TM4SF18: variants seen among roughly 807,000 people sequenced by gnomAD.
TM4SF18 encodes the protein transmembrane 4 L six family member 18.
In TM4SF18, 22 loss-of-function variants were observed where a neutral mutation model predicts 23.8. That is an observed-to-expected ratio of 0.92 (90% CI 0.66 to 1.32). The LOEUF is 1.32. Among genes scored for constraint, TM4SF18 ranks in the 40% most tolerant of loss-of-function variants. The pLI, the probability that TM4SF18 is intolerant of heterozygous loss-of-function variation, is 0.00. For synonymous variants in TM4SF18, 87 were observed against 87.9 expected, an observed-to-expected ratio of 0.99 and a Z score of 0.06; for missense variants, 255 against 240.3, an observed-to-expected ratio of 1.06 and a Z score of -0.41.
chr3:149,328,973 A>C (rs940958557), intron 3 of TM4SF18, among the ~76,000 whole-genome samples: 2 of 152,184 alleles, frequency 1.3e-5, no homozygotes, highest in African/African-American at 4.8e-5. Context: ...ATAGTGAGTT[A>C]AGGCAAATTG....
In TM4SF18 at chr3:149,324,867, A is replaced by C. The variant is rs780876271; in HGVS notation, c.410+13T>G. The C allele has an allele frequency of 6.2e-7, 1 of 1,613,846 alleles. No homozygotes were observed. Among genetic ancestry groups the C allele is most frequent in the East Asian group, 2.2e-5 (1 of 44,876 alleles). On this transcript the variant is annotated intron_variant, in intron 4 of 5. Coordinates refer to ENST00000296059, the MANE Select transcript of TM4SF18 (RefSeq NM_138786.4). The stretch of plus-strand genomic sequence containing the variant: ...ATTTTCCGACCTCCTTGGTTTGGGG[A>C]ATTATTCCTTACCGTCCAGCAGTGC...
At position 149,322,268 on chromosome 3, in the gene TM4SF18, T is replaced by C. The variant is rs144776081; in HGVS notation, c.579A>G (p.Ser193=). The C allele has an allele frequency of 8.6e-5, 139 of 1,612,094 alleles. No homozygotes were observed. In the African/African-American group the frequency reaches 1.5e-3, roughly 18 times the overall value. Residue 193 remains serine, a synonymous_variant, in exon 5 of 6, where the codon TCA becomes TCG. Transcript: ENST00000296059. ...QLSKILCGSY[S]VIFQPGII ...GAGAATCTGTTACCTGGAAGATCAC[T>C]GAATAGCTTCCACACAGTATCTTGG...
At position 149,319,700 on chromosome 3, in the gene TM4SF18, A is replaced by G. The variant is rs1730762533; in HGVS notation, c.*1778T>C. 1 of 152,244 alleles carries G rather than the reference A, an allele frequency of 6.6e-6. No individual in the cohort carries two copies. The highest frequency in any genetic ancestry group is 2.1e-4 in the South Asian group (1 of 4,834). 9.4% of individuals were successfully genotyped at this position (152,244 alleles called of 1,614,324 possible). On this transcript the variant is annotated 3_prime_UTR_variant, in exon 6 of 6. Coordinates refer to ENST00000296059, the MANE Select transcript of TM4SF18 (RefSeq NM_138786.4). ...TTAGGAGCTTTTGGAGTAGAAGTTC[A>G]TGTATCTTCCTTTTAATATGATACC...
Position 149,322,400 on chromosome 3 carries a change from C to T in TM4SF18, c.447G>A (p.Leu149=). ...TCCACTCCACAACATGTGCAGGTTC[C>T]AGGCACTGAATCCATATGCTAGAAT... The part of the protein sequence containing the change: ...LTDSSIWIQC[L]EPAHVVEWNI... Residue 149 remains leucine, a synonymous_variant, in exon 5 of 6, where the codon CTG becomes CTA. Coordinates refer to ENST00000296059, the MANE Select transcript of TM4SF18 (RefSeq NM_138786.4). 6.2e-7 allele frequency: 1 copy of T among 1,614,004 alleles called. No homozygotes were observed. Among genetic ancestry groups the T allele is most frequent in the Non-Finnish European group, 8.5e-7 (1 of 1,179,944 alleles).
At chr3:149,324,751 CA>C in intron 4 of TM4SF18, 128 bp downstream of exon 4, 1 of 1,187,886 alleles carries the variant, frequency 8.4e-7, no homozygotes, top group South Asian at 1.5e-5. Context: ...AGTAAACTAA[CA>C]GGGAAATTCT....
At chr3:149,327,319 T>C (rs542491508) in intron 3 of TM4SF18, among the ~76,000 whole-genome samples, 2 of 152,256 alleles carry the variant, frequency 1.3e-5, no homozygotes, top group East Asian at 3.9e-4. Flanking sequence ...AAATGTGCTT[T>C]TGGAAGATTG....
Position 149,319,717 on chromosome 3 carries a change from T to A in TM4SF18, c.*1761A>T, listed in dbSNP as rs1730762896. On this transcript the variant is annotated 3_prime_UTR_variant, in exon 6 of 6. Transcript: ENST00000296059. Reference sequence around the variant, plus strand: ...AGAAGTTCATGTATCTTCCTTTTAATATGATACCATTATTAACATGAACCA... The same window carrying A: ...AGAAGTTCATGTATCTTCCTTTTAAAATGATACCATTATTAACATGAACCA... The A allele has an allele frequency of 6.6e-6, 1 of 152,266 alleles. No homozygotes were observed. The highest frequency in any genetic ancestry group is 2.1e-4 in the South Asian group (1 of 4,828). The allele number at this position is 152,266 out of a possible 1,614,324, so 9.4% of individuals were successfully genotyped here.
chr3:149,333,096 A>C, intron 2 of TM4SF18, 110 bp downstream of exon 2: 1 of 1,107,912 alleles, frequency 9.0e-7, no homozygotes, highest in Admixed American at 2.2e-5. Context: ...CAAATCCTAC[A>C]CCCAAGATTA....
chr3:149,323,723 TA>T (rs1730865759), intron 4 of TM4SF18, among the ~76,000 whole-genome samples: 1 of 152,170 alleles, frequency 6.6e-6, no homozygotes, highest in Non-Finnish European at 1.5e-5. Context: ...GTTTGAACAA[TA>T]TGAAATCAGT....
chr3:149,323,875 G>C (rs1355731197), intron 4 of TM4SF18, among the ~76,000 whole-genome samples: 3 of 152,112 alleles, frequency 2.0e-5, no homozygotes, highest in Non-Finnish European at 4.4e-5. Context: ...ATGCAAGTAG[G>C]AGAGACCTGA....
chr3:149,322,487 T>C (rs1178400698), intron 4 of TM4SF18, 51 bp from the exon 5 acceptor site: 7 of 1,491,910 alleles, frequency 4.7e-6, no homozygotes, highest in Non-Finnish European at 6.4e-6. Context: ...GGAAGAAAGC[T>C]ACAAGCATTT....
chr3:149,328,918 C>T (rs185009569), intron 3 of TM4SF18, among the ~76,000 whole-genome samples: 1 of 152,242 alleles, frequency 6.6e-6, no homozygotes, highest in East Asian at 1.9e-4. Flanking sequence ...GATTATAAGA[C>T]CCTTTTCAGA....
At chr3:149,329,813 G>A (rs1387089686) in intron 3 of TM4SF18, 1 of 152,130 alleles carries the variant, frequency 6.6e-6, no homozygotes, top group African/African-American at 2.4e-5. Context: ...TATCCTGGAT[G>A]AAAAAACCCA....
Position 149,319,610 on chromosome 3 carries a change from T to C in TM4SF18, c.*1868A>G, listed in dbSNP as rs1225997144. On this transcript the variant is annotated 3_prime_UTR_variant, in exon 6 of 6. Coordinates refer to ENST00000296059, the MANE Select transcript of TM4SF18 (RefSeq NM_138786.4). ...CAGCACAGTGACAAAGAAGAAAGAC[T>C]ATCTAGGAATCCAAGAACAGAAACC... The C allele has an allele frequency of 1.3e-5, 2 of 152,338 alleles. No individual in the cohort carries two copies. The highest frequency in any genetic ancestry group is 4.8e-5 in the African/African-American group (2 of 41,584). 9.4% of individuals were successfully genotyped at this position (152,338 alleles called of 1,614,324 possible).
rs750723268 is a variant in TM4SF18 at position 149,330,423 on chromosome 3, T to C, written c.178-4A>G. The C allele has an allele frequency of 1.3e-6, 2 of 1,566,952 alleles. No homozygotes were observed. The highest frequency in any genetic ancestry group is 1.7e-6 in the Non-Finnish European group (2 of 1,143,568). On this transcript the variant is annotated splice_polypyrimidine_tract_variant and splice_region_variant and intron_variant, in intron 2 of 5. Transcript: ENST00000296059. ...GAACTGTTGTTACTATAAGCATCTA[T>C]AGGAGGGAAGACATAAAATGTTAGC...
chr3:149,328,054 C>T (rs1486260637), intron 3 of TM4SF18, among the ~76,000 whole-genome samples: 1 of 152,028 alleles, frequency 6.6e-6, no homozygotes, highest in Non-Finnish European at 1.5e-5. Context: ...CTTATTTGGC[C>T]AATATTTGCT....
At chr3:149,323,329 T>A (rs1730858392) in intron 4 of TM4SF18, among the ~76,000 whole-genome samples, 1 of 152,182 alleles carries the variant, frequency 6.6e-6, no homozygotes, top group African/African-American at 2.4e-5. Flanking sequence ...TCTGTTAAAT[T>A]TCCCTAAACC....
At chr3:149,322,588 A>G in intron 4 of TM4SF18, 152 bp from the exon 5 acceptor site, 1 of 662,128 alleles carries the variant, frequency 1.5e-6, no homozygotes. Context: ...CACATATTGG[A>G]CATATCTTAT....
intron 2 of TM4SF18, among the ~76,000 whole-genome samples, chr3:149,331,240 T>C (rs1207313680): frequency 1.3e-5 from 2 of 152,184 alleles, no homozygotes; most frequent in African/African-American, 2.4e-5. Flanking sequence ...TCCAAATTTC[T>C]TCAGCTTTCA....
Sources: allele counts gnomAD v4.1 joint callset (sites outside exome capture counted in the v4.1 genomes callset), GRCh38; gene constraint gnomAD v4.1.1; transcripts MANE v1.5; gene names NCBI Gene and HGNC (gene_info 2026-07-23, HGNC 2026-07-21).